Variants in KCNAB1 observed in about 807,000 individuals in gnomAD.
The protein encoded by KCNAB1 is voltage-gated potassium channel subunit beta-1.
KCNAB1 carries 35 observed loss-of-function variants against 64.6 expected under a neutral mutation model. That is an observed-to-expected ratio of 0.54 (90% CI 0.41 to 0.72). The LOEUF (loss-of-function observed/expected upper bound fraction) is 0.72, where lower values mean the gene tolerates loss of function less well. KCNAB1 is among the 30% of genes least tolerant of loss of function. The probability of loss-of-function intolerance (pLI) is 0.00; values close to 1 mark genes in which losing one functional copy is unlikely to be tolerated. For missense variants in KCNAB1, 401 were observed against 512.9 expected, an observed-to-expected ratio of 0.78 and a Z score of 2.11; for synonymous variants, 177 against 183.8, an observed-to-expected ratio of 0.96 and a Z score of 0.30.
intron 1 of KCNAB1, among the ~76,000 whole-genome samples, chr3:156,341,444 G>T (rs1388627818): frequency 6.6e-6 from 1 of 152,172 alleles, no homozygotes; most frequent in Non-Finnish European, 1.5e-5. Context: ...CCCTTAATTT[G>T]CACTGCCATT....
chr3:156,445,825 T>C (rs1436035104), intron 2 of KCNAB1, among the ~76,000 whole-genome samples: 2 of 152,132 alleles, frequency 1.3e-5, no homozygotes, highest in African/African-American at 4.8e-5. Flanking sequence ...TAGTTCAAAA[T>C]GGTAGGAGAA....
intron 1 of KCNAB1, among the ~76,000 whole-genome samples, chr3:156,363,380 A>G (rs930582661): frequency 2.0e-5 from 3 of 152,356 alleles, no homozygotes; most frequent in East Asian, 3.9e-4. Flanking sequence ...TTGAGCATTT[A>G]TCGTACTCAT....
At chr3:156,122,495 A>C (rs1713408112) in intron 1 of KCNAB1, among the ~76,000 whole-genome samples, 1 of 152,240 alleles carries the variant, frequency 6.6e-6, no homozygotes. Context: ...GTTTAGCAAG[A>C]AACTTTTGGG....
chr3:156,348,757 G>A (rs1388897181), intron 1 of KCNAB1, among the ~76,000 whole-genome samples: 1 of 152,154 alleles, frequency 6.6e-6, no homozygotes, highest in Non-Finnish European at 1.5e-5. Flanking sequence ...TTCCCAGGAA[G>A]CATGTATCTA....
chr3:156,391,513 C>T (rs997492988), intron 1 of KCNAB1, among the ~76,000 whole-genome samples: 2 of 152,076 alleles, frequency 1.3e-5, no homozygotes, highest in African/African-American at 4.8e-5. Context: ...AAATAACTTC[C>T]CTAAATTTCA....
At chr3:156,249,618 C>T (rs921325468) in intron 1 of KCNAB1, among the ~76,000 whole-genome samples, 3 of 151,330 alleles carry the variant, frequency 2.0e-5, no homozygotes, top group African/African-American at 4.9e-5. Flanking sequence ...GAGGACCTGA[C>T]CAGAAATGAG....
chr3:156,535,077 T>A (rs1718963322), intron 13 of KCNAB1, among the ~76,000 whole-genome samples: 1 of 152,220 alleles, frequency 6.6e-6, no homozygotes, highest in African/African-American at 2.4e-5. Flanking sequence ...CAATCTCATT[T>A]TAAATAACAC....
At chr3:156,252,731 A>G (rs1717899805) in intron 1 of KCNAB1, among the ~76,000 whole-genome samples, 1 of 152,140 alleles carries the variant, frequency 6.6e-6, no homozygotes, top group Non-Finnish European at 1.5e-5. Context: ...AACACTCCTC[A>G]TCCTAATCCC....
At chr3:156,463,843 G>A in intron 6 of KCNAB1, 97 bp downstream of exon 6, 1 of 907,916 alleles carries the variant, frequency 1.1e-6, no homozygotes, top group Middle Eastern at 2.3e-4. Context: ...AAATTAATTG[G>A]CTTAGAGAGA....
chr3:156,184,892 T>C (rs991502701), intron 1 of KCNAB1, among the ~76,000 whole-genome samples: 2 of 152,170 alleles, frequency 1.3e-5, no homozygotes, highest in African/African-American at 4.8e-5. Context: ...CACAGGCTCA[T>C]GTCTAACATG....
At chr3:156,189,278 C>T (rs1713405564) in intron 1 of KCNAB1, among the ~76,000 whole-genome samples, 1 of 152,172 alleles carries the variant, frequency 6.6e-6, no homozygotes, top group Admixed American at 6.5e-5. Context: ...CTGTGTAGTC[C>T]AGCTAACCTG....
At chr3:156,472,867 A>T (rs187389844) in intron 7 of KCNAB1, among the ~76,000 whole-genome samples, 5 of 152,246 alleles carry the variant, frequency 3.3e-5, no homozygotes, top group African/African-American at 4.8e-5. Flanking sequence ...ATACATGCTC[A>T]TGGGATGGAA....
intron 12 of KCNAB1, among the ~76,000 whole-genome samples, chr3:156,525,302 T>C (rs959877729): frequency 1.3e-5 from 2 of 151,858 alleles, no homozygotes; most frequent in Non-Finnish European, 2.9e-5. Context: ...AGGTGGAACA[T>C]AGTGATGGTC....
intron 12 of KCNAB1, among the ~76,000 whole-genome samples, chr3:156,525,068 T>C (rs1262097311): frequency 1.3e-5 from 2 of 152,160 alleles, no homozygotes; most frequent in Non-Finnish European, 2.9e-5. Context: ...TTGATAATGA[T>C]AATAAATGAC....
At chr3:156,492,623 C>T (rs1049555632) in intron 8 of KCNAB1, among the ~76,000 whole-genome samples, 8 of 152,028 alleles carry the variant, frequency 5.3e-5, no homozygotes, top group African/African-American at 1.7e-4. Context: ...ACAAGCAACA[C>T]CCAGCTGAGT....
At chr3:156,144,586 G>A (rs1161708273) in intron 1 of KCNAB1, among the ~76,000 whole-genome samples, 1 of 152,182 alleles carries the variant, frequency 6.6e-6, no homozygotes, top group East Asian at 1.9e-4. Flanking sequence ...GATGGATGAG[G>A]AGGAGATGCT....
intron 1 of KCNAB1, among the ~76,000 whole-genome samples, chr3:156,163,016 T>G (rs992936975): frequency 6.6e-6 from 1 of 152,246 alleles, no homozygotes; most frequent in African/African-American, 2.4e-5. Context: ...CTTAGAAAAT[T>G]GCTTTTAAAA....
At chr3:156,253,730 A>G (rs1017237665) in intron 1 of KCNAB1, among the ~76,000 whole-genome samples, 2 of 152,198 alleles carry the variant, frequency 1.3e-5, no homozygotes, top group African/African-American at 4.8e-5. Context: ...GGCAGTGTCA[A>G]CATCAACCTG....
chr3:156,364,415 C>T (rs542955593), intron 1 of KCNAB1, among the ~76,000 whole-genome samples: 14 of 152,134 alleles, frequency 9.2e-5, no homozygotes, highest in Non-Finnish European at 2.1e-4. Flanking sequence ...CTCATAACAA[C>T]ATATATTAGC....
Sources: gnomAD v4.1 joint callset for allele counts (sites outside exome capture counted in the v4.1 genomes callset) on GRCh38, gnomAD v4.1.1 for gene constraint, MANE v1.5 for transcripts, NCBI Gene and HGNC (gene_info 2026-07-23, HGNC 2026-07-21) for gene names.